MAD1L1: variants seen among roughly 807,000 people sequenced by gnomAD.
MAD1L1 encodes the protein mitotic arrest deficient 1 like 1.
Under a neutral mutation model 96.9 loss-of-function variants are expected in MAD1L1, and 95 were observed. That is an observed-to-expected ratio of 0.98 (90% CI 0.83 to 1.16). The LOEUF (loss-of-function observed/expected upper bound fraction) is 1.16. Among genes scored for constraint, MAD1L1 ranks in the 50% most tolerant of loss-of-function variants. MAD1L1 has a pLI of 0.00. For synonymous variants in MAD1L1, 473 were observed against 396.6 expected (o/e 1.19, Z -2.29); for missense variants, 1,007 against 954.4 (o/e 1.06, Z -0.73).
At chr7:1,879,270 A>G (rs908558827) in intron 18 of MAD1L1, among the ~76,000 whole-genome samples, 3 of 152,200 alleles carry the variant, frequency 2.0e-5, no homozygotes, top group Admixed American at 6.5e-5. Context: ...AGCCTGGTCA[A>G]CATGGTAAAA....
At position 1,857,739 on chromosome 7, in the gene MAD1L1, G is replaced by A. The variant is rs145674418; in HGVS notation, c.1998+40461C>T. ...CAGGGCTCACCAGGGGCCGGGGGAC[G>A]TCCTGGTCCTGCTACATCTGAGGCC... is the stretch of plus-strand genomic sequence containing the variant. On this transcript the variant is annotated intron_variant, in intron 18 of 18. Transcript: ENST00000265854. Among the ~76,000 whole-genome samples the A allele has an allele frequency of 2.2e-3, 329 of 152,334 alleles. 2 individuals are homozygous for A. The highest frequency in any genetic ancestry group is 7.1e-3 in the African/African-American group (294 of 41,574).
At chr7:2,099,684 C>T (rs1425281165) in intron 11 of MAD1L1, among the ~76,000 whole-genome samples, 1 of 152,204 alleles carries the variant, frequency 6.6e-6, no homozygotes, top group African/African-American at 2.4e-5. Flanking sequence ...ACCCATTAGA[C>T]GTGGTTCAGA....
chr7:2,226,986 C>CAA (rs34846451), intron 3 of MAD1L1, among the ~76,000 whole-genome samples: 7 of 124,382 alleles, frequency 5.6e-5, no homozygotes, highest in East Asian at 2.2e-4. Context: ...GAGTTCGTCT[C>CAA]AAAAAAAAAA....
intron 10 of MAD1L1, among the ~76,000 whole-genome samples, chr7:2,188,762 T>C (rs1460544657): frequency 6.6e-6 from 1 of 152,008 alleles, no homozygotes; most frequent in Non-Finnish European, 1.5e-5. Flanking sequence ...GTTTATGACA[T>C]GGGATTTGGC....
At chr7:1,988,286 C>T (rs535873384) in intron 14 of MAD1L1, among the ~76,000 whole-genome samples, 98 of 152,344 alleles carry the variant, frequency 6.4e-4, no homozygotes, top group Non-Finnish European at 1.3e-3. Flanking sequence ...CCAGGGGCAA[C>T]TCTGCCGCTG....
intron 11 of MAD1L1, among the ~76,000 whole-genome samples, chr7:2,096,235 T>C (rs59557449): frequency 3.5e-4 from 54 of 152,314 alleles, no homozygotes; most frequent in African/African-American, 1.3e-3. Context: ...AAGGTCGTCC[T>C]CGTCGGACAC....
At chr7:1,945,067 C>G (rs1043095443) in intron 16 of MAD1L1, among the ~76,000 whole-genome samples, 5 of 152,174 alleles carry the variant, frequency 3.3e-5, no homozygotes, top group Non-Finnish European at 7.4e-5. Context: ...GACCCTCCCG[C>G]TAGATGGGGG....
At chr7:1,856,976 A>C (rs1784289394) in intron 18 of MAD1L1, among the ~76,000 whole-genome samples, 2 of 150,470 alleles carry the variant, frequency 1.3e-5, no homozygotes, top group Non-Finnish European at 1.5e-5. Context: ...CCCCCCAGGA[A>C]ACCCTGACTG....
chr7:1,958,653 C>T (rs1371969892), intron 15 of MAD1L1, among the ~76,000 whole-genome samples: 1 of 152,172 alleles, frequency 6.6e-6, no homozygotes, highest in Non-Finnish European at 1.5e-5. Context: ...CAATGCCTGC[C>T]ATCCAGTCAA....
chr7:2,223,947 G>A (rs1422016842), intron 4 of MAD1L1, among the ~76,000 whole-genome samples: 1 of 152,188 alleles, frequency 6.6e-6, no homozygotes, highest in African/African-American at 2.4e-5. Flanking sequence ...GGGCAAGGAA[G>A]GACAGTCCTG....
At chr7:1,971,607 G>A (rs142544657) in intron 15 of MAD1L1, among the ~76,000 whole-genome samples, 2,004 of 152,226 alleles carry the variant, frequency 0.013, 38 homozygotes, top group African/African-American at 0.045. Flanking sequence ...GCTTGAACAC[G>A]TGCACTTAAG....
At chr7:2,105,402 T>G (rs1476055444) in intron 11 of MAD1L1, among the ~76,000 whole-genome samples, 1 of 115,520 alleles carries the variant, frequency 8.7e-6, no homozygotes, top group Non-Finnish European at 1.6e-5. Context: ...CGGTCTCTGC[T>G]GGCCTGGCAG....
At chr7:1,830,162 C>T (rs1454039419) in intron 18 of MAD1L1, among the ~76,000 whole-genome samples, 5 of 152,246 alleles carry the variant, frequency 3.3e-5, no homozygotes, top group East Asian at 3.9e-4. Context: ...TGTGGGAGGC[C>T]GAGGTGGGAG....
chr7:1,843,598 G>A (rs780027107), intron 18 of MAD1L1, among the ~76,000 whole-genome samples: 6 of 152,212 alleles, frequency 3.9e-5, no homozygotes, highest in African/African-American at 7.2e-5. Flanking sequence ...CAATTAAAAC[G>A]TCTCATTGCC....
intron 12 of MAD1L1, among the ~76,000 whole-genome samples, chr7:2,040,549 T>G (rs1178675518): frequency 6.6e-6 from 1 of 152,210 alleles, no homozygotes; most frequent in Non-Finnish European, 1.5e-5. Context: ...CTGCTGACCT[T>G]ATATCCATTA....
chr7:1,933,227 C>T (rs1789581839), intron 17 of MAD1L1, among the ~76,000 whole-genome samples: 1 of 152,164 alleles, frequency 6.6e-6, no homozygotes, highest in Non-Finnish European at 1.5e-5. Context: ...ACTAGGGGCC[C>T]AGGGATACTC....
chr7:2,094,733 G>A (rs3888009), intron 11 of MAD1L1, among the ~76,000 whole-genome samples: 6,885 of 152,150 alleles, frequency 0.045, 255 homozygotes, highest in African/African-American at 0.094. Context: ...AGCACAGCTC[G>A]CAGGTGCAAA....
At chr7:2,086,132 G>A (rs1472114771) in intron 11 of MAD1L1, among the ~76,000 whole-genome samples, 2 of 152,156 alleles carry the variant, frequency 1.3e-5, no homozygotes, top group South Asian at 2.1e-4. Context: ...GCCCCAAGGA[G>A]CTCCTAAAGA....
At chr7:2,229,941 G>A (rs752835162) in intron 3 of MAD1L1, 43 bp downstream of exon 3, 50 of 1,599,412 alleles carry the variant, frequency 3.1e-5, no homozygotes, top group Non-Finnish European at 3.5e-5. Context: ...CCGGGCCCAG[G>A]GTCTCCCCAG....
Sources: allele counts gnomAD v4.1 joint callset (sites outside exome capture counted in the v4.1 genomes callset), GRCh38; gene constraint gnomAD v4.1.1; transcripts MANE v1.5; gene names NCBI Gene and HGNC (gene_info 2026-07-23, HGNC 2026-07-21).